GSAP: variants seen among roughly 807,000 people sequenced by gnomAD.
GSAP encodes the protein gamma-secretase-activating protein.
A neutral mutation model predicts 131.7 loss-of-function variants in GSAP; 118 were observed. The ratio of observed to expected loss-of-function variants is 0.90; its 90% CI spans 0.77 to 1.04. GSAP has a LOEUF of 1.04. Ranked by LOEUF, GSAP falls within the 50% of genes least tolerant of loss-of-function variation. The probability of loss-of-function intolerance (pLI) is 0.00; values close to 1 mark genes in which losing one functional copy is unlikely to be tolerated. For synonymous variants in GSAP, 381 were observed against 363.4 expected, an observed-to-expected ratio of 1.05 and a Z score of -0.55; for missense variants, 1,019 against 1,013.2, an observed-to-expected ratio of 1.01 and a Z score of -0.08.
chr7:77,397,227 A>G, intron 4 of GSAP, 119 bp downstream of exon 4: 1 of 752,104 alleles, frequency 1.3e-6, no homozygotes. Flanking sequence ...TCTCAAGAAC[A>G]TTTCTTTCCT....
At position 77,311,952 on chromosome 7, in the gene GSAP, A is replaced by G; in HGVS notation, c.2374-12T>C. On this transcript the variant is annotated splice_polypyrimidine_tract_variant and intron_variant, in intron 29 of 30. Transcript: ENST00000257626. ...ATAGAATTCCGAGGCTAAAAGGGAA[A>G]CCACTTCTGGTGTAAGCTGATTCTC... The G allele has an allele frequency of 6.7e-7, 1 of 1,491,550 alleles. No homozygotes were observed. Among genetic ancestry groups the G allele is most frequent in the Non-Finnish European group, 9.4e-7 (1 of 1,068,412 alleles). The allele number at this position is 1,491,550 out of a possible 1,614,324, so 92.4% of individuals were successfully genotyped here.
At chr7:77,406,198 T>C in intron 1 of GSAP, 93 bp from the exon 2 acceptor site, 5 of 638,978 alleles carry the variant, frequency 7.8e-6, no homozygotes, top group Non-Finnish European at 1.0e-5. Context: ...TATAAATATA[T>C]ACTAATAATT....
At chr7:77,313,642 G>A (rs2272316) in intron 27 of GSAP, 93 bp from the exon 28 acceptor site, 186,060 of 640,796 alleles carry the variant, frequency 0.29, 29,110 homozygotes, top group Admixed American at 0.36. Flanking sequence ...CATCTTGATA[G>A]GACATATCCC....
Position 77,416,255 on chromosome 7 carries a change from G to A in GSAP, c.67C>T (p.Arg23Trp). The change falls in exon 1 of 31, where the codon CGG becomes TGG. Residue 23 changes from arginine (R) to tryptophan (W), a missense_variant. Physicochemically the swap from Arg to Trp is moderately radical, Grantham distance 101. Transcript: ENST00000257626. ...GCCCCGCTGGCCTCCGACACTGCCC[G>A]CTGCGCCCGCAACCACGGGAGCACG... ...KDVLPWLRAQ[R>W]AVSEASGAGS... 4.1e-6 allele frequency: 6 copies of A among 1,448,914 alleles called. No individual in the cohort carries two copies. The highest frequency in any genetic ancestry group is 5.5e-6 in the Non-Finnish European group (6 of 1,097,196). The allele number at this position is 1,448,914 out of a possible 1,614,324, so 89.8% of individuals were successfully genotyped here. A position where few individuals can be genotyped will look rare whatever the true frequency, so the allele number is the denominator to read the frequency against.
At chr7:77,353,091 G>A (rs1750813987) in intron 17 of GSAP, 65 bp from the exon 18 acceptor site, 8 of 856,534 alleles carry the variant, frequency 9.3e-6, no homozygotes, top group Non-Finnish European at 1.6e-5. Flanking sequence ...TGACAGCATT[G>A]TAATGCAACC....
At chr7:77,385,154 C>T (rs777301500) in intron 6 of GSAP, among the ~76,000 whole-genome samples, 17 of 152,008 alleles carry the variant, frequency 1.1e-4, no homozygotes, top group Admixed American at 8.5e-4. Context: ...CCACCTCAGC[C>T]ACCCGAGTAG....
Position 77,397,425 on chromosome 7 carries a change from C to A in GSAP, c.244-10G>T, listed in dbSNP as rs778098238. ...CAAAGGTATATAGAAGCTATTAAAA[C>A]AAAAATATTTTTTAATTTGAAGTTT... On this transcript the variant is annotated splice_polypyrimidine_tract_variant and intron_variant, in intron 3 of 30. Coordinates refer to ENST00000257626, the MANE Select transcript of GSAP (RefSeq NM_017439.4). 8 of 1,465,432 alleles carry A rather than the reference C, an allele frequency of 5.5e-6. No individual in the cohort carries two copies. Among genetic ancestry groups the A allele is most frequent in the Non-Finnish European group, 7.6e-6 (8 of 1,057,566 alleles). The allele number at this position is 1,465,432 out of a possible 1,614,324, so 90.8% of individuals were successfully genotyped here.
At chr7:77,414,880 C>G (rs1583995446) in intron 1 of GSAP, among the ~76,000 whole-genome samples, 2 of 41,528 alleles carry the variant, frequency 4.8e-5, no homozygotes, top group Admixed American at 4.2e-4. Context: ...TTTTTTGAGA[C>G]GGAGACTTAC....
intron 5 of GSAP, among the ~76,000 whole-genome samples, chr7:77,395,611 A>G (rs912362891): frequency 5.9e-5 from 9 of 152,088 alleles, no homozygotes; most frequent in African/African-American, 2.2e-4. Context: ...GATGAGCAAT[A>G]CAAATGATGA....
chr7:77,353,992 G>A (rs757924308), intron 16 of GSAP, among the ~76,000 whole-genome samples: 3 of 152,152 alleles, frequency 2.0e-5, no homozygotes, highest in Admixed American at 1.3e-4. Context: ...AAACCACTAG[G>A]CTTGAGGGCA....
chr7:77,404,461 AAG>A, intron 3 of GSAP, 96 bp downstream of exon 3: 1 of 712,566 alleles, frequency 1.4e-6, no homozygotes, highest in East Asian at 2.7e-5. Flanking sequence ...TTTACAGAAA[AAG>A]AGAAAATAAA....
At chr7:77,363,794 A>G (rs1584499212) in intron 12 of GSAP, among the ~76,000 whole-genome samples, 1 of 152,358 alleles carries the variant, frequency 6.6e-6, no homozygotes. Context: ...TAACAATTCT[A>G]TTAGATGTAA....
chr7:77,351,439 A>G, intron 18 of GSAP: 1 of 983,898 alleles, frequency 1.0e-6, no homozygotes, highest in Non-Finnish European at 1.2e-6. Context: ...CATTAAGAAC[A>G]TTTGCAGATA....
intron 12 of GSAP, among the ~76,000 whole-genome samples, chr7:77,372,415 A>G (rs1237378943): frequency 6.6e-6 from 1 of 152,204 alleles, no homozygotes; most frequent in Non-Finnish European, 1.5e-5. Flanking sequence ...GTTTTTCAAG[A>G]AATTATGAAA....
intron 16 of GSAP, 187 bp from the exon 17 acceptor site, chr7:77,353,828 A>C: frequency 2.1e-6 from 1 of 479,002 alleles, no homozygotes; most frequent in Non-Finnish European, 3.7e-6. Context: ...ACGGTATTTT[A>C]TAAGTGAGAT....
At chr7:77,319,950 C>T (rs755731478) in intron 26 of GSAP, among the ~76,000 whole-genome samples, 2 of 152,136 alleles carry the variant, frequency 1.3e-5, no homozygotes, top group Non-Finnish European at 2.9e-5. Flanking sequence ...GTTCTAAAGA[C>T]CTGCTATCCA....
chr7:77,340,166 T>C (rs1181821947), intron 19 of GSAP, among the ~76,000 whole-genome samples: 1 of 152,212 alleles, frequency 6.6e-6, no homozygotes, highest in East Asian at 1.9e-4. Context: ...GAGCACCTTG[T>C]GACACACGCC....
rs768184937 is a variant in GSAP at position 77,353,038 on chromosome 7, T to C, written c.1409-12A>G. The C allele has an allele frequency of 6.6e-6, 10 of 1,525,354 alleles. No homozygotes were observed. Among genetic ancestry groups the C allele is most frequent in the Non-Finnish European group, 9.1e-6 (10 of 1,100,544 alleles). 94.5% of individuals were successfully genotyped at this position (1,525,354 alleles called of 1,614,324 possible). A position where few individuals can be genotyped will look rare whatever the true frequency, so the allele number is the denominator to read the frequency against. On this transcript the variant is annotated splice_polypyrimidine_tract_variant and intron_variant, in intron 17 of 30. Transcript: ENST00000257626. The stretch of plus-strand genomic sequence containing the variant: ...CCAGTATGAAGAAGCTGAGTAGATT[T>C]TTTTTGAAACAGGGGGAAAAAAGAT...
chr7:77,384,815 A>C (rs1798318899), intron 6 of GSAP, among the ~76,000 whole-genome samples: 1 of 152,160 alleles, frequency 6.6e-6, no homozygotes, highest in Non-Finnish European at 1.5e-5. Context: ...AGACCAACTC[A>C]ATGGACAGTA....
Sources: allele counts gnomAD v4.1 joint callset (sites outside exome capture counted in the v4.1 genomes callset), GRCh38; gene constraint gnomAD v4.1.1; transcripts MANE v1.5; gene names NCBI Gene and HGNC (gene_info 2026-07-23, HGNC 2026-07-21).